The following HHAT variants were observed in gnomAD, a reference collection of about 807,000 sequenced individuals.
The protein encoded by HHAT is protein-cysteine N-palmitoyltransferase HHAT.
In HHAT, 47 loss-of-function variants were observed where a neutral mutation model predicts 70.8. The ratio of observed to expected loss-of-function variants is 0.66; its 90% CI spans 0.53 to 0.85. HHAT has a LOEUF of 0.85. Ranked by LOEUF, HHAT falls within the 40% of genes least tolerant of loss-of-function variation. HHAT has a pLI of 0.00. For synonymous variants in HHAT, 228 were observed against 247.6 expected (o/e 0.92, Z 0.74); for missense variants, 609 against 604.8 (o/e 1.01, Z -0.07).
chr1:210,370,029 T>C (rs557843294), intron 3 of HHAT, among the ~76,000 whole-genome samples: 236 of 152,210 alleles, frequency 1.6e-3, no homozygotes, highest in Middle Eastern at 6.8e-3. Flanking sequence ...TTTTCCTGCC[T>C]TGCCCTGTCT....
intron 9 of HHAT, among the ~76,000 whole-genome samples, chr1:210,575,183 C>T (rs765617646): frequency 8.5e-5 from 13 of 152,174 alleles, no homozygotes; most frequent in South Asian, 2.1e-4. Flanking sequence ...TCATGCATCC[C>T]TTCCTCATAT....
At chr1:210,572,596 A>G (rs961943626) in intron 9 of HHAT, among the ~76,000 whole-genome samples, 2 of 152,118 alleles carry the variant, frequency 1.3e-5, no homozygotes, top group Non-Finnish European at 2.9e-5. Context: ...CAGGCTTCCT[A>G]CAAGTAACCT....
chr1:210,366,586 G>A (rs2088993084), intron 3 of HHAT, among the ~76,000 whole-genome samples: 1 of 152,156 alleles, frequency 6.6e-6, no homozygotes, highest in African/African-American at 2.4e-5. Context: ...ACTGCACTCT[G>A]CACTCCAGCC....
At chr1:210,397,018 C>T (rs2091827039) in intron 4 of HHAT, among the ~76,000 whole-genome samples, 1 of 152,166 alleles carries the variant, frequency 6.6e-6, no homozygotes, top group Non-Finnish European at 1.5e-5. Flanking sequence ...TAGAACTAAA[C>T]ACACACATAA....
chr1:210,464,597 A>G lies in HHAT; in HGVS notation c.949A>G (p.Thr317Ala), dbSNP rs1254789301. The change falls in exon 8 of 12, where the codon ACT becomes GCT. Residue 317 changes from threonine (T) to alanine (A), a missense_variant. By Grantham distance (58) the Thr-to-Ala change is moderately conservative. Coordinates refer to ENST00000261458, the MANE Select transcript of HHAT (RefSeq NM_018194.6). ...TCTGCTCATGCGCCTGGATGGACTCACTCCACCCGCCCTCCCCCGCTGCGT... is the reference window on the plus strand; with the variant it reads ...TCTGCTCATGCGCCTGGATGGACTCGCTCCACCCGCCCTCCCCCGCTGCGT... ...PALLMRLDGL[T>A]PPALPRCVST... 1.2e-6 allele frequency: 2 copies of G among 1,613,770 alleles called. No homozygotes were observed. Among genetic ancestry groups the G allele is most frequent in the Non-Finnish European group, 1.7e-6 (2 of 1,179,956 alleles).
chr1:210,354,721 AC>A (rs2087436091), intron 2 of HHAT, among the ~76,000 whole-genome samples: 1 of 152,096 alleles, frequency 6.6e-6, no homozygotes, highest in Non-Finnish European at 1.5e-5. Flanking sequence ...TTACATCAAT[AC>A]TGTGCCGTTT....
chr1:210,624,984 A>G (rs777378410), intron 11 of HHAT, among the ~76,000 whole-genome samples: 18 of 152,166 alleles, frequency 1.2e-4, no homozygotes, highest in Non-Finnish European at 2.2e-4. Flanking sequence ...CTCTTTTCAC[A>G]CCAGAAATAA....
Position 210,578,192 on chromosome 1 carries a change from C to G in HHAT, c.1044-9706C>G, listed in dbSNP as rs549620496. 3.9e-5 allele frequency among the ~76,000 whole-genome samples: 6 copies of G among 151,984 alleles called. No individual in the cohort carries two copies. In the South Asian group the frequency reaches 1.2e-3, roughly 32 times the overall value. On this transcript the variant is annotated intron_variant, in intron 9 of 11. Transcript: ENST00000261458. ...TTGTTATTAGTCTGTTTAGATTTTC[C>G]TGATTCATTCTTGGTAGGTTGTATG...
At chr1:210,644,659 A>C (rs1180543578) in intron 11 of HHAT, among the ~76,000 whole-genome samples, 1 of 151,784 alleles carries the variant, frequency 6.6e-6, no homozygotes, top group Non-Finnish European at 1.5e-5. Flanking sequence ...TGGAGTGATC[A>C]ATCTAAAAGG....
chr1:210,420,335 T>G (rs2148282042), intron 7 of HHAT, among the ~76,000 whole-genome samples: 1 of 152,330 alleles, frequency 6.6e-6, no homozygotes, highest in East Asian at 1.9e-4. Flanking sequence ...GCACTTATTT[T>G]CACTGCTGTA....
chr1:210,655,107 C>T (rs1676105667), intron 11 of HHAT, among the ~76,000 whole-genome samples: 1 of 152,150 alleles, frequency 6.6e-6, no homozygotes, highest in African/African-American at 2.4e-5. Flanking sequence ...CAAACATAAC[C>T]AGCCAGAAGC....
intron 3 of HHAT, among the ~76,000 whole-genome samples, chr1:210,380,590 T>A (rs1233227574): frequency 6.6e-6 from 1 of 152,054 alleles, no homozygotes; most frequent in African/African-American, 2.4e-5. Flanking sequence ...TGGGATAAGT[T>A]GCTTTGTTAC....
At chr1:210,514,080 A>G (rs986416989) in intron 9 of HHAT, among the ~76,000 whole-genome samples, 1 of 152,150 alleles carries the variant, frequency 6.6e-6, no homozygotes, top group Non-Finnish European at 1.5e-5. Context: ...CCATCTCCCT[A>G]TTGGTAAGAT....
At chr1:210,386,484 CGCCTCG>C (rs1558410388) in intron 3 of HHAT, among the ~76,000 whole-genome samples, 1 of 151,292 alleles carries the variant, frequency 6.6e-6, no homozygotes, top group Admixed American at 6.6e-5. Context: ...GTGATCCGCC[CGCCTCG>C]GCCTCCCAAA....
intron 11 of HHAT, among the ~76,000 whole-genome samples, chr1:210,661,599 C>A (rs546525795): frequency 3.9e-5 from 6 of 152,184 alleles, no homozygotes. Flanking sequence ...GACACATGCA[C>A]ACGTATGTTT....
chr1:210,335,123 A>G (rs939857503), intron 1 of HHAT, among the ~76,000 whole-genome samples: 7 of 152,204 alleles, frequency 4.6e-5, no homozygotes, highest in Non-Finnish European at 1.0e-4. Context: ...GCTCATAAAG[A>G]CAGACACATA....
At chr1:210,365,234 A>G (rs1250119867) in intron 3 of HHAT, among the ~76,000 whole-genome samples, 1 of 150,960 alleles carries the variant, frequency 6.6e-6, no homozygotes, top group Non-Finnish European at 1.5e-5. Context: ...TTTAGAAGAA[A>G]GCTTAGTTTT....
intron 2 of HHAT, among the ~76,000 whole-genome samples, chr1:210,351,960 C>G (rs1225124247): frequency 6.6e-6 from 1 of 152,184 alleles, no homozygotes; most frequent in African/African-American, 2.4e-5. Context: ...GGAGCCACCT[C>G]TGGAGTTTCT....
Position 210,588,093 on chromosome 1 carries a change from C to A in HHAT, c.1239C>A (p.Asp413Glu). The change falls in exon 10 of 12, where the codon GAC becomes GAA. Residue 413 changes from aspartate (D) to glutamate (E), a missense_variant. Coordinates refer to ENST00000261458, the MANE Select transcript of HHAT (RefSeq NM_018194.6). ...TGGTGGAGACTCCCTGCATCCAGGACAGTCTGGTGAGCAGGATCCTTGCTG... is the reference window on the plus strand; with the variant it reads ...TGGTGGAGACTCCCTGCATCCAGGAAAGTCTGGTGAGCAGGATCCTTGCTG... ...RRLVETPCIQ[D>E]SLARYFSPQA... 6.2e-7 allele frequency: 1 copy of A among 1,602,552 alleles called. No individual in the cohort carries two copies. Among genetic ancestry groups the A allele is most frequent in the Non-Finnish European group, 8.5e-7 (1 of 1,175,690 alleles).
Sources: gnomAD v4.1 joint callset for allele counts (sites outside exome capture counted in the v4.1 genomes callset) on GRCh38, gnomAD v4.1.1 for gene constraint, MANE v1.5 for transcripts, NCBI Gene and HGNC (gene_info 2026-07-23, HGNC 2026-07-21) for gene names.